The following CLCNKA variants were observed in gnomAD, a reference collection of about 807,000 sequenced individuals.
CLCNKA encodes chloride voltage-gated channel Ka.
CLCNKA carries 66 observed loss-of-function variants against 83.3 expected under a neutral mutation model. The ratio of observed to expected loss-of-function variants is 0.79; its 90% CI spans 0.65 to 0.97. The LOEUF (loss-of-function observed/expected upper bound fraction) is 0.97, where lower values mean the gene tolerates loss of function less well. CLCNKA is among the 50% of genes least tolerant of loss of function. The probability of loss-of-function intolerance (pLI) is 0.00; values close to 1 mark genes in which losing one functional copy is unlikely to be tolerated. For synonymous variants in CLCNKA, 357 were observed against 370.4 expected (o/e 0.96, Z 0.42); for missense variants, 806 against 888.7 (o/e 0.91, Z 1.18).
Position 16,022,730 on chromosome 1 carries a change from G to A in CLCNKA, c.100+11G>A. On this transcript the variant is annotated intron_variant, in intron 2 of 19. Coordinates refer to ENST00000331433, the MANE Select transcript of CLCNKA (RefSeq NM_004070.4). Reference sequence around the variant, plus strand: ...GCCGAGCCATCCAAGGTGAGAGCCAGGTCCTCTTCCCTACCCGCGGGGGAC... The same window carrying A: ...GCCGAGCCATCCAAGGTGAGAGCCAAGTCCTCTTCCCTACCCGCGGGGGAC... 6.6e-7 allele frequency: 1 copy of A among 1,512,532 alleles called. No homozygotes were observed. Among genetic ancestry groups the A allele is most frequent in the Non-Finnish European group, 8.9e-7 (1 of 1,125,150 alleles). 93.7% of individuals were successfully genotyped at this position (1,512,532 alleles called of 1,614,324 possible).
intron 4 of CLCNKA, among the ~76,000 whole-genome samples, chr1:16,025,623 GT>G (rs139494308): frequency 0.18 from 27,545 of 152,010 alleles, 3,239 homozygotes; most frequent in South Asian, 0.29. Context: ...GGAAGTCGGG[GT>G]TATAATGAGC....
intron 12 of CLCNKA, 46 bp downstream of exon 12, chr1:16,029,345 T>C (rs1490240760): frequency 1.3e-5 from 21 of 1,612,960 alleles, no homozygotes; most frequent in Non-Finnish European, 1.7e-5. Context: ...GGACCAGCTC[T>C]GGTGGGGAGG....
Position 16,029,079 on chromosome 1 carries a change from C to T in CLCNKA, c.1054-47C>T, listed in dbSNP as rs369822929. 1.1e-4 allele frequency: 169 copies of T among 1,596,210 alleles called. 2 individuals are homozygous for T. The African/African-American group carries it at 1.5e-3, about 14-fold the overall frequency. ...CGGTGCGGGGGAGGCTGGGGTCTGC[C>T]GCTGGGGGGGGCCCCTCATGTCCAG... is the stretch of plus-strand genomic sequence containing the variant. On this transcript the variant is annotated intron_variant, in intron 11 of 19. Transcript: ENST00000331433.
intron 3 of CLCNKA, among the ~76,000 whole-genome samples, chr1:16,024,441 G>A (rs1156874673): frequency 6.6e-6 from 1 of 152,242 alleles, no homozygotes; most frequent in Non-Finnish European, 1.5e-5. Flanking sequence ...GTAGTTCTCA[G>A]TGGCCCTTTA....
Position 16,028,056 on chromosome 1 carries a change from G to T in CLCNKA, c.905G>T (p.Cys302Phe). The change falls in exon 10 of 20, where the codon TGT (cysteine) becomes TTT (phenylalanine). Residue 302 changes from cysteine to phenylalanine, a missense_variant. Coordinates refer to ENST00000331433, the MANE Select transcript of CLCNKA (RefSeq NM_004070.4). ...CGVLSCAYLFCQRTFLSFIKT... is the reference protein window; with the variant it reads ...CGVLSCAYLFFQRTFLSFIKT... ...GTCCTGAGCTGTGCTTACCTCTTCTGTCAGCGAACCTTCCTCAGCTTCATC... is the reference window on the plus strand; with the variant it reads ...GTCCTGAGCTGTGCTTACCTCTTCTTTCAGCGAACCTTCCTCAGCTTCATC... The T allele has an allele frequency of 6.2e-7, 1 of 1,613,458 alleles. No individual in the cohort carries two copies. Among genetic ancestry groups the T allele is most frequent in the Non-Finnish European group, 8.5e-7 (1 of 1,179,578 alleles).
intron 3 of CLCNKA, 71 bp downstream of exon 3, chr1:16,023,999 C>A: frequency 6.3e-7 from 1 of 1,584,102 alleles, no homozygotes; most frequent in Non-Finnish European, 8.7e-7. Context: ...ACCAGATGGG[C>A]CACCAAGTGC....
intron 4 of CLCNKA, 133 bp downstream of exon 4, chr1:16,025,024 G>T: frequency 8.2e-7 from 1 of 1,221,940 alleles, no homozygotes; most frequent in Non-Finnish European, 1.2e-6. Flanking sequence ...TTGCCTGAAG[G>T]CACACAGCAA....
rs763546913 is a variant in CLCNKA, at chr1:16,031,727, T to A, written c.1640T>A (p.Val547Glu). The A allele has an allele frequency of 3.7e-6, 6 of 1,613,622 alleles. No individual in the cohort carries two copies. The highest frequency in any genetic ancestry group is 5.1e-6 in the Non-Finnish European group (6 of 1,179,992). ...GCCTGCAGCTCCCACCATGTGAGGG[T>A]GGAGCACTTCATGAACCACAGCATC... ...GRNIGSHHVR[V>E]EHFMNHSITT... The change falls in exon 16 of 20, where the codon GTG becomes GAG. Residue 547 changes from valine to glutamate, a missense_variant. Physicochemically the swap from Val to Glu is moderately radical, Grantham distance 121 (BLOSUM62 -2). Coordinates refer to ENST00000331433, the MANE Select transcript of CLCNKA (RefSeq NM_004070.4).
chr1:16,026,285 C>T (rs369222528), intron 5 of CLCNKA, 38 bp downstream of exon 5: 182 of 1,608,560 alleles, frequency 1.1e-4, no homozygotes, highest in Non-Finnish European at 1.5e-4. Flanking sequence ...CCACCCCGCC[C>T]ACCCTACCCT....
chr1:16,024,704 G>A (rs190033147), intron 3 of CLCNKA, 59 bp from the exon 4 acceptor site: 31 of 1,609,034 alleles, frequency 1.9e-5, no homozygotes, highest in East Asian at 1.6e-4. Context: ...GCACCACAGT[G>A]TCTGGCCCTG....
chr1:16,022,562 C>A, intron 1 of CLCNKA, 51 bp from the exon 2 acceptor site: 1 of 1,387,666 alleles, frequency 7.2e-7, no homozygotes, highest in Non-Finnish European at 9.9e-7. Flanking sequence ...AGAGGCAGCG[C>A]GAGGACGTGC....
chr1:16,025,947 G>T (rs1468038280), intron 4 of CLCNKA, among the ~76,000 whole-genome samples, 161 bp from the exon 5 acceptor site: 4 of 152,142 alleles, frequency 2.6e-5, no homozygotes, highest in Non-Finnish European at 4.4e-5. Context: ...GTAGAGATGG[G>T]GTTTCACCAT....
At position 16,033,194 on chromosome 1, in the gene CLCNKA, A is replaced by T. The variant is rs2124062541; in HGVS notation, c.1954A>T (p.Asn652Tyr). 4 of 1,614,154 alleles carry T rather than the reference A, an allele frequency of 2.5e-6. No individual in the cohort carries two copies. The East Asian group carries it at 8.9e-5, about 36-fold the overall frequency. The stretch of plus-strand genomic sequence containing the variant: ...GGCACAAAACCTCTTTAAGCTGTTG[A>T]ACCTTCAGTCCCTCTTCGTGACATC... ...HQAQNLFKLL[N>Y]LQSLFVTSRG... The change falls in exon 19 of 20, where the codon AAC (asparagine) becomes TAC (tyrosine). Residue 652 changes from asparagine (N) to tyrosine (Y), a missense_variant. Coordinates refer to ENST00000331433, the MANE Select transcript of CLCNKA (RefSeq NM_004070.4).
At chr1:16,028,697 A>G (rs2124042199) in intron 10 of CLCNKA, 64 bp from the exon 11 acceptor site, 1 of 1,591,260 alleles carries the variant, frequency 6.3e-7, no homozygotes, top group Non-Finnish European at 8.6e-7. Flanking sequence ...ACCAGGTCCT[A>G]CTTCCCTCTC....
chr1:16,026,939 G>A, intron 7 of CLCNKA, 164 bp downstream of exon 7: 1 of 920,614 alleles, frequency 1.1e-6, no homozygotes, highest in Non-Finnish European at 1.7e-6. Flanking sequence ...GCGGCGGGGC[G>A]GGGCGGGTGG....
Position 16,030,084 on chromosome 1 carries a change from G to A in CLCNKA, c.1408+9G>A. On this transcript the variant is annotated intron_variant, in intron 14 of 19. Coordinates refer to ENST00000331433, the MANE Select transcript of CLCNKA (RefSeq NM_004070.4). ...GGGGTATGCTCTGGCAGGTGAGTGG[G>A]TCACGGCCCTGCTGGGTGGGCAATG... is the stretch of plus-strand genomic sequence containing the variant. The A allele has an allele frequency of 1.3e-6, 2 of 1,584,756 alleles. No individual in the cohort carries two copies. The highest frequency in any genetic ancestry group is 1.7e-4 in the Middle Eastern group (1 of 5,920).
intron 3 of CLCNKA, among the ~76,000 whole-genome samples, chr1:16,024,315 C>T (rs1388857308): frequency 6.6e-6 from 1 of 152,232 alleles, no homozygotes; most frequent in Non-Finnish European, 1.5e-5. Context: ...TGAGGCCTCC[C>T]TGGAAGAGGG....
chr1:16,022,615 G>T lies in CLCNKA; in HGVS notation c.-5G>T. 1 of 1,559,778 alleles carries T rather than the reference G, an allele frequency of 6.4e-7. No homozygotes were observed. Among genetic ancestry groups the T allele is most frequent in the Non-Finnish European group, 8.7e-7 (1 of 1,151,012 alleles). ...CTTCCCTCCATCTGCTTCTCCAGGG[G>T]CCTGATGGAGGAGTTGGTGGGGCTG... On this transcript the variant is annotated splice_region_variant and 5_prime_UTR_variant, in exon 2 of 20. Transcript: ENST00000331433.
rs761472825 is a variant in CLCNKA, at chr1:16,022,605, T to A, written c.-7-8T>A. ...CACCCGGGTCCTTCCCTCCATCTGC[T>A]TCTCCAGGGGCCTGATGGAGGAGTT... On this transcript the variant is annotated splice_region_variant and splice_polypyrimidine_tract_variant and intron_variant, in intron 1 of 19. Transcript: ENST00000331433. The A allele has an allele frequency of 6.4e-7, 1 of 1,551,978 alleles. No individual in the cohort carries two copies. Among genetic ancestry groups the A allele is most frequent in the African/African-American group, 1.4e-5 (1 of 73,664 alleles).
Sources: allele counts gnomAD v4.1 joint callset (sites outside exome capture counted in the v4.1 genomes callset), GRCh38; gene constraint gnomAD v4.1.1; transcripts MANE v1.5; gene names NCBI Gene and HGNC (gene_info 2026-07-23, HGNC 2026-07-21).